Variants in CRACR2A observed in about 807,000 individuals in gnomAD.
CRACR2A encodes calcium release activated channel regulator 2A.
A neutral mutation model predicts 90.5 loss-of-function variants in CRACR2A; 79 were observed. The observed-to-expected ratio is 0.87, with a 90% CI of 0.73 to 1.05. CRACR2A has a LOEUF of 1.05. Ranked by LOEUF, CRACR2A falls within the 50% of genes least tolerant of loss-of-function variation. CRACR2A has a pLI of 0.00. For synonymous variants in CRACR2A, 338 were observed against 356.7 expected, an observed-to-expected ratio of 0.95 and a Z score of 0.59; for missense variants, 823 against 897.2, an observed-to-expected ratio of 0.92 and a Z score of 1.06.
chr12:3,735,454 T>A (rs1946436155), intron 1 of CRACR2A, among the ~76,000 whole-genome samples: 1 of 152,080 alleles, frequency 6.6e-6, no homozygotes, highest in South Asian at 2.1e-4. Context: ...CATTCACAAC[T>A]GAGTAAGTAA....
intron 7 of CRACR2A, among the ~76,000 whole-genome samples, chr12:3,660,781 G>A (rs978854199): frequency 6.7e-6 from 1 of 149,214 alleles, no homozygotes; most frequent in Admixed American, 6.7e-5. Context: ...GAAACTTCAG[G>A]CTCTGTGAAC....
rs1173862635 is a variant in CRACR2A, at chr12:3,696,945, A to G, written c.55T>C (p.Ser19Pro). 1 of 1,613,842 alleles carries G rather than the reference A, an allele frequency of 6.2e-7. No individual in the cohort carries two copies. The highest frequency in any genetic ancestry group is 1.1e-5 in the South Asian group (1 of 91,032). Residue 19 changes from serine to proline, a missense_variant, in exon 4 of 20, where the codon TCT becomes CCT. By Grantham distance (74) the Ser-to-Pro change is moderately conservative (BLOSUM62 -1). Coordinates refer to ENST00000440314, the MANE Select transcript of CRACR2A (RefSeq NM_001144958.2). Reference sequence around the variant, plus strand: ...CCACTCCCCTTTGGCCCCTGGCCAGACCCCTGACCAAGTCTCTGGGGTCTG... The same window carrying G: ...CCACTCCCCTTTGGCCCCTGGCCAGGCCCCTGACCAAGTCTCTGGGGTCTG... ...VSRPQRLGQG[S>P]GQGPKGSGAC... is the part of the protein sequence containing the mutation.
At chr12:3,716,616 C>T (rs910618890) in intron 2 of CRACR2A, among the ~76,000 whole-genome samples, 1 of 152,236 alleles carries the variant, frequency 6.6e-6, no homozygotes, top group Non-Finnish European at 1.5e-5. Context: ...CTATGGGCTT[C>T]ATCTTCAATA....
chr12:3,717,408 T>C (rs1289694698), intron 2 of CRACR2A, among the ~76,000 whole-genome samples: 2 of 152,148 alleles, frequency 1.3e-5, no homozygotes, highest in African/African-American at 2.4e-5. Flanking sequence ...CATATATCCA[T>C]ACGCACAACT....
chr12:3,713,189 G>A (rs544307961), intron 3 of CRACR2A, 48 bp downstream of exon 3: 2 of 908,072 alleles, frequency 2.2e-6, no homozygotes, highest in Non-Finnish European at 2.6e-6. Context: ...CTGGGGTGGG[G>A]GCAGATCTAG....
intron 6 of CRACR2A, among the ~76,000 whole-genome samples, chr12:3,676,532 C>CA (rs11409527): frequency 0.37 from 55,925 of 151,940 alleles, 10,661 homozygotes; most frequent in Middle Eastern, 0.47. Context: ...GCAGAGCCCT[C>CA]ACGAATGGCA....
chr12:3,659,458 G>C (rs1245131648), intron 8 of CRACR2A, 106 bp downstream of exon 8: 1 of 835,120 alleles, frequency 1.2e-6, no homozygotes, highest in African/African-American at 1.7e-5. Flanking sequence ...AGAGAAAGAG[G>C]GAATCAATAG....
At position 3,630,266 on chromosome 12, in the gene CRACR2A, T is replaced by C. The variant is rs190647237; in HGVS notation, c.1736-2560A>G. Among the ~76,000 whole-genome samples, 10 of 152,282 alleles carry C rather than the reference T, an allele frequency of 6.6e-5. No individual in the cohort carries two copies. The East Asian group carries it at 1.9e-3, about 29-fold the overall frequency. ...CTCAAGTCAGGAGCCTCCTGGCACCTTGAAAGGTGCTGTGGAGATGGTGTG... is the reference window on the plus strand; with the variant it reads ...CTCAAGTCAGGAGCCTCCTGGCACCCTGAAAGGTGCTGTGGAGATGGTGTG... On this transcript the variant is annotated intron_variant, in intron 15 of 19. Transcript: ENST00000440314.
chr12:3,643,237 T>C (rs1006796543), intron 12 of CRACR2A, among the ~76,000 whole-genome samples: 12 of 152,126 alleles, frequency 7.9e-5, no homozygotes, highest in East Asian at 5.8e-4. Context: ...GAAAAGAAAC[T>C]GTGGCGTAAT....
chr12:3,717,300 G>A (rs868248640), intron 2 of CRACR2A, among the ~76,000 whole-genome samples: 2 of 152,154 alleles, frequency 1.3e-5, no homozygotes, highest in African/African-American at 2.4e-5. Context: ...GTTTCTAAGT[G>A]TCTCTCTAAC....
chr12:3,690,333 T>G (rs1401929739), intron 4 of CRACR2A, among the ~76,000 whole-genome samples: 1 of 152,222 alleles, frequency 6.6e-6, no homozygotes, highest in African/African-American at 2.4e-5. Context: ...GCCTTAGGTG[T>G]GTCCCAGATA....
intron 4 of CRACR2A, among the ~76,000 whole-genome samples, chr12:3,683,483 G>A (rs1313627335): frequency 1.3e-5 from 2 of 152,086 alleles, no homozygotes; most frequent in Non-Finnish European, 2.9e-5. Flanking sequence ...ATGGCCCTGG[G>A]AGCTCTTGAG....
At chr12:3,647,412 G>GAGCT (rs1944707950) in intron 11 of CRACR2A, among the ~76,000 whole-genome samples, 1 of 152,088 alleles carries the variant, frequency 6.6e-6, no homozygotes. Context: ...TATTTGTAGA[G>GAGCT]AGCTGCCTTG....
intron 15 of CRACR2A, among the ~76,000 whole-genome samples, chr12:3,631,621 TTC>T (rs1348960170): frequency 6.6e-6 from 1 of 152,218 alleles, no homozygotes; most frequent in Non-Finnish European, 1.5e-5. Context: ...GGCTCTGCAC[TTC>T]TTCCCATCTG....
chr12:3,702,744 G>A (rs1775282969), intron 3 of CRACR2A, among the ~76,000 whole-genome samples: 1 of 152,124 alleles, frequency 6.6e-6, no homozygotes, highest in Non-Finnish European at 1.5e-5. Flanking sequence ...CTCAATTCCA[G>A]TCAAAATCCC....
At position 3,654,361 on chromosome 12, in the gene CRACR2A, AT is replaced by A; in HGVS notation, c.896del (p.His299LeufsTer10). The A allele has an allele frequency of 1.9e-6, 3 of 1,613,144 alleles. No individual in the cohort carries two copies. The highest frequency in any genetic ancestry group is 2.5e-6 in the Non-Finnish European group (3 of 1,179,702). ...GQCTALHHDK[H>X]ETKAENTKLK... ...GCTTGGTATTCTCAGCCTTGGTCTC[AT>A]GCTTGTCATGATGCAGGGCTGTGCA... is the stretch of plus-strand genomic sequence containing the variant. On this transcript the variant is annotated frameshift_variant, in exon 10 of 20. Transcript: ENST00000440314. LOFTEE classifies it high-confidence loss of function.
chr12:3,720,206 GGAGA>G (rs1241545381), intron 2 of CRACR2A, among the ~76,000 whole-genome samples: 32 of 79,056 alleles, frequency 4.0e-4, no homozygotes, highest in Non-Finnish European at 1.2e-4. Flanking sequence ...AGGGAGGGAG[GGAGA>G]GAGAAGAAGA....
intron 4 of CRACR2A, among the ~76,000 whole-genome samples, chr12:3,688,403 A>T (rs879120217): frequency 6.6e-6 from 1 of 152,212 alleles, no homozygotes; most frequent in African/African-American, 2.4e-5. Flanking sequence ...TATATTCTGC[A>T]TATGACTAGC....
intron 18 of CRACR2A, among the ~76,000 whole-genome samples, chr12:3,617,934 T>C (rs1867724125): frequency 6.6e-6 from 1 of 152,184 alleles, no homozygotes; most frequent in Non-Finnish European, 1.5e-5. Flanking sequence ...CCCAGCCCCA[T>C]GGGCTCTATT....
Sources: gnomAD v4.1 joint callset for allele counts (sites outside exome capture counted in the v4.1 genomes callset) on GRCh38, gnomAD v4.1.1 for gene constraint, MANE v1.5 for transcripts, NCBI Gene and HGNC (gene_info 2026-07-23, HGNC 2026-07-21) for gene names.